The following PCNX1 variants were observed in gnomAD, a reference collection of about 807,000 sequenced individuals.
The protein encoded by PCNX1 is pecanex-like protein 1.
Under a neutral mutation model 242.2 loss-of-function variants are expected in PCNX1, and 78 were observed. The observed-to-expected ratio is 0.32, with a 90% CI of 0.27 to 0.39. The LOEUF is 0.39. PCNX1 is among the 10% of genes least tolerant of loss of function. PCNX1 has a pLI of 1.00. For synonymous variants in PCNX1, 1,024 were observed against 1,032.9 expected, an observed-to-expected ratio of 0.99 and a Z score of 0.17; for missense variants, 2,581 against 2,856.5, an observed-to-expected ratio of 0.90 and a Z score of 2.20.
At chr14:70,972,798 ATACCTTCCC>A (rs749863238) in intron 5 of PCNX1, among the ~76,000 whole-genome samples, 40 of 152,170 alleles carry the variant, frequency 2.6e-4, no homozygotes, top group Non-Finnish European at 5.3e-4. Context: ...CCTCTCGCTC[ATACCTTCCC>A]TATCCAAGAT....
intron 2 of PCNX1, among the ~76,000 whole-genome samples, chr14:70,953,445 C>T (rs972099730): frequency 4.0e-5 from 6 of 151,452 alleles, no homozygotes; most frequent in Non-Finnish European, 7.4e-5. Flanking sequence ...TTCTTTGGAG[C>T]TGTCTTTTTC....
chr14:70,908,621 C>T (rs2526880), intron 1 of PCNX1, among the ~76,000 whole-genome samples: 67,053 of 152,172 alleles, frequency 0.44, 16,189 homozygotes, highest in Non-Finnish European at 0.55. Flanking sequence ...ACCCTCCTGC[C>T]TCTAAAAAAC....
intron 6 of PCNX1, among the ~76,000 whole-genome samples, chr14:70,986,715 G>T (rs1030341791): frequency 6.6e-6 from 1 of 152,100 alleles, no homozygotes; most frequent in Non-Finnish European, 1.5e-5. Context: ...AATTATGTCT[G>T]GGTAAATTTT....
chr14:71,088,374 T>C lies in PCNX1; in HGVS notation c.5382T>C (p.Tyr1794=), dbSNP rs376472103. 1.8e-4 allele frequency: 298 copies of C among 1,612,910 alleles called. No homozygotes were observed. Among genetic ancestry groups the C allele is most frequent in the Non-Finnish European group, 2.3e-4 (270 of 1,179,084 alleles). Residue 1794 remains tyrosine, a synonymous_variant, in exon 29 of 36, where the codon TAT becomes TAC. Transcript: ENST00000304743. ...ATTCATCCCTAGTGACTCTCTGTTA[T>C]GGACTCTGTGTTCTGGGACGGAGAG... The part of the protein sequence containing the change: ...DKDSSLVTLC[Y]GLCVLGRRAL...
Position 70,978,088 on chromosome 14 carries a change from G to C in PCNX1, c.1751G>C (p.Arg584Pro). 6.2e-7 allele frequency: 1 copy of C among 1,614,048 alleles called. No homozygotes were observed. Among genetic ancestry groups the C allele is most frequent in the Non-Finnish European group, 8.5e-7 (1 of 1,180,002 alleles). Reference protein sequence around the residue: ...SSRHRDYVCFRGVSGTKPHSA... With the variant: ...SSRHRDYVCFPGVSGTKPHSA... ...CGGCATAGGGACTATGTTTGCTTTC[G>C]AGGTGTTTCTGGTACCAAGCCACAC... The change falls in exon 6 of 36, where the codon CGA (arginine) becomes CCA (proline). Residue 584 changes from arginine (R) to proline (P), a missense_variant. Transcript: ENST00000304743.
Position 71,026,098 on chromosome 14 carries a change from TA to T in PCNX1, c.3184-13del. 1.3e-6 allele frequency: 2 copies of T among 1,507,206 alleles called. No individual in the cohort carries two copies. Among genetic ancestry groups the T allele is most frequent in the South Asian group, 1.3e-5 (1 of 75,528 alleles). 93.4% of individuals were successfully genotyped at this position (1,507,206 alleles called of 1,614,324 possible). On this transcript the variant is annotated intron_variant, in intron 13 of 35. Coordinates refer to ENST00000304743, the MANE Select transcript of PCNX1 (RefSeq NM_014982.3). Reference sequence around the variant, plus strand: ...TCTTAAAATTAACCAAACTGACTTTTAAAAAATATCATTTTCAGGGTCATAA... The same window carrying T: ...TCTTAAAATTAACCAAACTGACTTTTAAAAATATCATTTTCAGGGTCATAA...
intron 33 of PCNX1, among the ~76,000 whole-genome samples, chr14:71,107,177 C>G (rs2062648911): frequency 6.6e-6 from 1 of 151,990 alleles, no homozygotes; most frequent in Non-Finnish European, 1.5e-5. Flanking sequence ...CCCAACTGCC[C>G]CCCTGACTGC....
chr14:70,916,139 CT>C (rs1364641948), intron 1 of PCNX1, among the ~76,000 whole-genome samples: 2 of 152,208 alleles, frequency 1.3e-5, no homozygotes, highest in East Asian at 1.9e-4. Context: ...GCTATTCTTA[CT>C]TTTGGTAAGT....
At position 70,977,180 on chromosome 14, in the gene PCNX1, A is replaced by G. The variant is rs1186709307; in HGVS notation, c.843A>G (p.Arg281=). 5 of 1,614,170 alleles carry G rather than the reference A, an allele frequency of 3.1e-6. No individual in the cohort carries two copies. Among genetic ancestry groups the G allele is most frequent in the Non-Finnish European group, 4.2e-6 (5 of 1,180,032 alleles). Residue 281 remains arginine (R), a synonymous_variant, in exon 6 of 36, where the codon CGA becomes CGG. Coordinates refer to ENST00000304743, the MANE Select transcript of PCNX1 (RefSeq NM_014982.3). ...SHSYRKDHRP[R]GVPRTSSSAV... is the part of the protein sequence containing the mutation. ...CTTATAGAAAAGACCACCGGCCGCG[A>G]GGTGTACCACGGACTTCTAGCTCTG...
At chr14:71,013,587 C>A (rs1478829893) in intron 11 of PCNX1, among the ~76,000 whole-genome samples, 3 of 127,090 alleles carry the variant, frequency 2.4e-5, no homozygotes, top group Non-Finnish European at 5.7e-5. Flanking sequence ...CTCTTAATGG[C>A]AAACACAAAC....
At position 71,009,161 on chromosome 14, in the gene PCNX1, C is replaced by A. The variant is rs533636454; in HGVS notation, c.2630-473C>A. Reference sequence around the variant, plus strand: ...AATACTAGCTCTTTCCATTCACTGACCTTTCTTAGATACACTTGGACACTT... The same window carrying A: ...AATACTAGCTCTTTCCATTCACTGAACTTTCTTAGATACACTTGGACACTT... On this transcript the variant is annotated intron_variant, in intron 8 of 35. Transcript: ENST00000304743. Among the ~76,000 whole-genome samples the A allele has an allele frequency of 3.3e-5, 5 of 152,264 alleles. No homozygotes were observed. In the South Asian group the frequency reaches 8.3e-4, roughly 25 times the overall value.
At position 70,978,131 on chromosome 14, in the gene PCNX1, T is replaced by G. The variant is rs575629557; in HGVS notation, c.1794T>G (p.His598Gln). 6.2e-7 allele frequency: 1 copy of G among 1,614,156 alleles called. No homozygotes were observed. The highest frequency in any genetic ancestry group is 1.1e-5 in the South Asian group (1 of 91,088). ...GTKPHSAIFCHDEDSSDQSDL... is the reference protein window; with the variant it reads ...GTKPHSAIFCQDEDSSDQSDL... The stretch of plus-strand genomic sequence containing the variant: ...AGCCACACAGTGCTATATTTTGTCA[T>G]GACGAAGACTCTAGTGATCAGAGTG... Residue 598 changes from histidine to glutamine, a missense_variant, in exon 6 of 36, where the codon CAT becomes CAG. Around this residue, in one of 9 missense-constraint regions of PCNX1, gnomAD observed 1,204 missense variants for 1,216.7 expected, o/e 0.99. Coordinates refer to ENST00000304743, the MANE Select transcript of PCNX1 (RefSeq NM_014982.3).
rs35068772 is a variant in PCNX1, at chr14:70,994,396, GATATATATATATATATAT to G, written c.2445-1328_2445-1311del. Among the ~76,000 whole-genome samples the G allele has an allele frequency of 4.2e-4, 41 of 96,966 alleles. 1 individual carries two copies. The South Asian group carries it at 0.012, about 27-fold the overall frequency. The allele number at this position is 96,966 out of a possible 152,430, so 63.6% of individuals were successfully genotyped here. On this transcript the variant is annotated intron_variant, in intron 7 of 35. Coordinates refer to ENST00000304743, the MANE Select transcript of PCNX1 (RefSeq NM_014982.3). ...TCTATTATCATAACCACAGGCTTAA[GATATATATATATATATAT>G]ATATATATATATATATGTATGTATG...
intron 2 of PCNX1, among the ~76,000 whole-genome samples, chr14:70,959,621 G>A (rs1409473330): frequency 6.0e-5 from 9 of 150,642 alleles, no homozygotes; most frequent in Non-Finnish European, 1.3e-4. Flanking sequence ...TCTTAATCCA[G>A]TCTATCATTG....
chr14:70,969,348 A>G (rs1259444865), intron 5 of PCNX1: 1 of 426,078 alleles, frequency 2.3e-6, no homozygotes, highest in African/African-American at 2.0e-5. Flanking sequence ...TTCTATGAGC[A>G]TATGCCCCAG....
chr14:70,919,714 C>T, intron 1 of PCNX1, among the ~76,000 whole-genome samples: 1 of 9,466 alleles, frequency 1.1e-4, no homozygotes, highest in Non-Finnish European at 6.9e-4. Flanking sequence ...TCTGCTCCCC[C>T]CCCCCCCCCC....
rs375246596 is a variant in PCNX1 at position 71,103,342 on chromosome 14, G to A, written c.5821-53G>A. 1.9e-6 allele frequency: 3 copies of A among 1,576,936 alleles called. No individual in the cohort carries two copies. The South Asian group carries it at 3.4e-5, about 18-fold the overall frequency. ...CTCCCATTTCTGCTCTTCTGTTTCTGTGAATTTTATTCTTGGCCCCTTAAC... is the reference window on the plus strand; with the variant it reads ...CTCCCATTTCTGCTCTTCTGTTTCTATGAATTTTATTCTTGGCCCCTTAAC... On this transcript the variant is annotated intron_variant, in intron 31 of 35. Coordinates refer to ENST00000304743, the MANE Select transcript of PCNX1 (RefSeq NM_014982.3).
chr14:70,929,328 G>T (rs2056705622), intron 1 of PCNX1, among the ~76,000 whole-genome samples: 1 of 151,782 alleles, frequency 6.6e-6, no homozygotes, highest in Non-Finnish European at 1.5e-5. Flanking sequence ...TGATTATTAG[G>T]CTAGGTGCCC....
chr14:70,968,179 C>T lies in PCNX1; in HGVS notation c.469-19C>T, dbSNP rs370508224. On this transcript the variant is annotated intron_variant, in intron 3 of 35. Coordinates refer to ENST00000304743, the MANE Select transcript of PCNX1 (RefSeq NM_014982.3). ...CTAGCATTTTAATTAGTTTTATTTA[C>T]TTCATGTCACGTTTTCAGATTGGAT... 1.5e-5 allele frequency: 24 copies of T among 1,598,554 alleles called. No individual in the cohort carries two copies. In the African/African-American group the frequency reaches 3.2e-4, roughly 21 times the overall value.
Sources: allele counts gnomAD v4.1 joint callset (sites outside exome capture counted in the v4.1 genomes callset), GRCh38; gene constraint gnomAD v4.1.1; regional missense constraint gnomAD v4.1.1; transcripts MANE v1.5; gene names NCBI Gene and HGNC (gene_info 2026-07-23, HGNC 2026-07-21).